PDE9A: variants seen among roughly 807,000 people sequenced by gnomAD.
The protein encoded by PDE9A is phosphodiesterase 9A, also known as high affinity cGMP-specific 3',5'-cyclic phosphodiesterase 9A.
Under a neutral mutation model 87.4 loss-of-function variants are expected in PDE9A, and 60 were observed. That is an observed-to-expected ratio of 0.69 (90% CI 0.56 to 0.85). PDE9A has a LOEUF of 0.85. PDE9A is among the 40% of genes least tolerant of loss of function. The pLI is 0.00. For missense variants in PDE9A, 665 were observed against 779.0 expected (o/e 0.85, Z 1.74); for synonymous variants, 272 against 279.4 (o/e 0.97, Z 0.27).
intron 7 of PDE9A, among the ~76,000 whole-genome samples, chr21:42,735,653 C>T (rs369483108): frequency 1.9e-4 from 29 of 152,182 alleles, no homozygotes; most frequent in East Asian, 1.3e-3. Flanking sequence ...AGGATGTCTC[C>T]ATGTCAACAG....
At chr21:42,746,005 G>A (rs2053810085) in intron 8 of PDE9A, among the ~76,000 whole-genome samples, 1 of 152,200 alleles carries the variant, frequency 6.6e-6, no homozygotes, top group Non-Finnish European at 1.5e-5. Context: ...GTGTGTCCCT[G>A]AGCACTTTCT....
chr21:42,676,447 C>A (rs2058849025), intron 1 of PDE9A, among the ~76,000 whole-genome samples: 1 of 152,226 alleles, frequency 6.6e-6, no homozygotes, highest in South Asian at 2.1e-4. Context: ...ATTTCCAGCA[C>A]CCCGTCCTGG....
chr21:42,655,801 G>A (rs2057016040), intron 1 of PDE9A, among the ~76,000 whole-genome samples: 2 of 152,148 alleles, frequency 1.3e-5, no homozygotes, highest in South Asian at 4.1e-4. Flanking sequence ...GGCGCCAGAC[G>A]GGTCTCCAAC....
At chr21:42,676,186 G>A (rs1372218230) in intron 1 of PDE9A, among the ~76,000 whole-genome samples, 1 of 152,152 alleles carries the variant, frequency 6.6e-6, no homozygotes, top group Non-Finnish European at 1.5e-5. Context: ...GCAGAACTGT[G>A]AGCCAATTAG....
chr21:42,706,787 C>A (rs1165883222), intron 4 of PDE9A, among the ~76,000 whole-genome samples: 1 of 152,028 alleles, frequency 6.6e-6, no homozygotes, highest in Non-Finnish European at 1.5e-5. Flanking sequence ...CCATCCCCTT[C>A]ACCCCCCAGC....
At chr21:42,773,554 T>C (rs2057218462) in intron 19 of PDE9A, among the ~76,000 whole-genome samples, 1 of 152,206 alleles carries the variant, frequency 6.6e-6, no homozygotes, top group Non-Finnish European at 1.5e-5. Flanking sequence ...ACGCCTGTAA[T>C]CCAAGCACTT....
chr21:42,678,237 T>C (rs1409968907), intron 1 of PDE9A, among the ~76,000 whole-genome samples: 1 of 152,226 alleles, frequency 6.6e-6, no homozygotes. Flanking sequence ...AGATCTCTGC[T>C]CTGTTATTAC....
chr21:42,745,475 C>T (rs2053749307), intron 8 of PDE9A, among the ~76,000 whole-genome samples: 1 of 152,232 alleles, frequency 6.6e-6, no homozygotes, highest in Admixed American at 6.5e-5. Context: ...GGACGGGAGA[C>T]AGAGTCTCTC....
In PDE9A at chr21:42,659,968, C is replaced by T. The variant is rs895658762; in HGVS notation, c.69+6085C>T. On this transcript the variant is annotated intron_variant, in intron 1 of 19. Coordinates refer to ENST00000291539, the MANE Select transcript of PDE9A (RefSeq NM_002606.3). The surrounding 1 kb of genome is among the most constrained non-coding windows in gnomAD (Gnocchi z 4.1). ...CGGGGACGAGCCGGGCAGCTGATCT[C>T]AGTGCAGCAACTGGGACACCTCGGG... Among the ~76,000 whole-genome samples, 2 of 152,224 alleles carry T rather than the reference C, an allele frequency of 1.3e-5. No homozygotes were observed. The highest frequency in any genetic ancestry group is 2.9e-5 in the Non-Finnish European group (2 of 68,032).
At chr21:42,655,266 A>T (rs1192137300) in intron 1 of PDE9A, among the ~76,000 whole-genome samples, 2 of 152,226 alleles carry the variant, frequency 1.3e-5, no homozygotes, top group Non-Finnish European at 1.5e-5. Flanking sequence ...TGTATCAAAG[A>T]CCTGCCTTTA....
chr21:42,717,241 A>G (rs912929107), intron 4 of PDE9A, among the ~76,000 whole-genome samples: 8 of 148,864 alleles, frequency 5.4e-5, no homozygotes, highest in Non-Finnish European at 8.9e-5. Context: ...TGTTTCTTGC[A>G]GTGCATATCT....
At chr21:42,745,450 T>C (rs2053745021) in intron 8 of PDE9A, among the ~76,000 whole-genome samples, 1 of 152,244 alleles carries the variant, frequency 6.6e-6, no homozygotes, top group Non-Finnish European at 1.5e-5. Flanking sequence ...ATCCCTGTGC[T>C]GGAGGCTCTT....
At chr21:42,757,775 T>G (rs749909792) in intron 10 of PDE9A, 1 of 152,348 alleles carries the variant, frequency 6.6e-6, no homozygotes, top group Non-Finnish European at 1.5e-5. Context: ...TCTCGGCACA[T>G]GCATCCCAGG....
chr21:42,688,157 C>T (rs557300982), intron 3 of PDE9A, among the ~76,000 whole-genome samples, 163 bp downstream of exon 3: 25 of 152,342 alleles, frequency 1.6e-4, no homozygotes, highest in Admixed American at 1.2e-3. Flanking sequence ...CTTGACTCGT[C>T]GTGTTCCCCT....
chr21:42,769,967 A>G (rs6586347), intron 17 of PDE9A, among the ~76,000 whole-genome samples: 75,550 of 151,578 alleles, frequency 0.5, 19,827 homozygotes, highest in African/African-American at 0.67. Flanking sequence ...CACTGCCCTC[A>G]CCCATCGCTG....
At chr21:42,774,274 T>A (rs2057325076) in intron 19 of PDE9A, among the ~76,000 whole-genome samples, 1 of 152,154 alleles carries the variant, frequency 6.6e-6, no homozygotes, top group Non-Finnish European at 1.5e-5. Context: ...TGCAACAGGC[T>A]TTGGCATCCA....
At chr21:42,717,863 A>G (rs764419728) in intron 4 of PDE9A, among the ~76,000 whole-genome samples, 5 of 151,530 alleles carry the variant, frequency 3.3e-5, no homozygotes, top group Non-Finnish European at 5.9e-5. Flanking sequence ...ATTCCTCTGT[A>G]TGAAGTGTGT....
chr21:42,731,659 G>A (rs1258942597), intron 4 of PDE9A, 111 bp from the exon 5 acceptor site: 1 of 1,105,136 alleles, frequency 9.0e-7, no homozygotes, highest in Non-Finnish European at 1.3e-6. Context: ...GTTCTGAATT[G>A]AGACGTGCCT....
chr21:42,768,457 T>C (rs2056612790), intron 16 of PDE9A, 165 bp downstream of exon 16: 2 of 1,115,064 alleles, frequency 1.8e-6, no homozygotes, highest in African/African-American at 3.2e-5. Flanking sequence ...AGAAACAAAA[T>C]AGGTTATAAT....
Sources: allele counts gnomAD v4.1 joint callset (sites outside exome capture counted in the v4.1 genomes callset), GRCh38; gene constraint gnomAD v4.1.1; non-coding constraint Gnocchi (gnomAD v3.1); transcripts MANE v1.5; gene names NCBI Gene and HGNC (gene_info 2026-07-23, HGNC 2026-07-21).